Variants in ITPR1 observed in about 807,000 individuals in gnomAD.
The protein encoded by ITPR1 is inositol 1,4,5-trisphosphate-gated calcium channel ITPR1.
A neutral mutation model predicts 318.4 loss-of-function variants in ITPR1; 96 were observed. The observed-to-expected ratio is 0.30, with a 90% confidence interval of 0.26 to 0.36. The LOEUF (loss-of-function observed/expected upper bound fraction) is 0.36, where lower values mean the gene tolerates loss of function less well. Among genes scored for constraint, ITPR1 ranks in the 10% least tolerant of loss-of-function variants. The pLI, the probability that ITPR1 is intolerant of heterozygous loss-of-function variation, is 1.00. For synonymous variants in ITPR1, 1,312 were observed against 1,289.9 expected (o/e 1.02, Z -0.37); for missense variants, 2,440 against 3,460.2 (o/e 0.71, Z 7.40).
chr3:4,553,160 C>G (rs1481499871), intron 4 of ITPR1, among the ~76,000 whole-genome samples: 2 of 152,014 alleles, frequency 1.3e-5, no homozygotes, highest in Non-Finnish European at 2.9e-5. Flanking sequence ...GAGGTGATGT[C>G]ATGAGTAGAA....
In ITPR1 at chr3:4,768,635, T is replaced by C. The variant is rs551053471; in HGVS notation, c.5850T>C (p.Pro1950=). 6.2e-7 allele frequency: 1 copy of C among 1,613,840 alleles called. No individual in the cohort carries two copies. The highest frequency in any genetic ancestry group is 8.5e-7 in the Non-Finnish European group (1 of 1,179,892). ...CTGATCCCGACGACCACTACCAGCC[T>C]GGAGAGGGCACCCAGGCCACTGCCG... ...READPDDHYQ[P]GEGTQATADK... Residue 1950 remains proline, a synonymous_variant, in exon 46 of 62, where the codon CCT becomes CCC. Coordinates refer to ENST00000649015, the MANE Select transcript of ITPR1 (RefSeq NM_001378452.1).
At chr3:4,607,332 A>G (rs936613449) in intron 4 of ITPR1, among the ~76,000 whole-genome samples, 1 of 152,184 alleles carries the variant, frequency 6.6e-6, no homozygotes, top group Non-Finnish European at 1.5e-5. Context: ...CCTGCAGGTC[A>G]GTGTTTCTCA....
intron 2 of ITPR1, among the ~76,000 whole-genome samples, chr3:4,513,149 A>G (rs1456548553): frequency 6.6e-6 from 1 of 152,170 alleles, no homozygotes; most frequent in East Asian, 1.9e-4. Flanking sequence ...AGCTCTGAAC[A>G]ACAGGAAGTC....
At chr3:4,724,723 G>C (rs1272535825) in intron 40 of ITPR1, among the ~76,000 whole-genome samples, 1 of 152,164 alleles carries the variant, frequency 6.6e-6, no homozygotes, top group Non-Finnish European at 1.5e-5. Flanking sequence ...CTTTTCTCCA[G>C]GCACACCTTT....
chr3:4,550,208 C>G (rs1575498167), intron 4 of ITPR1, among the ~76,000 whole-genome samples: 2 of 152,188 alleles, frequency 1.3e-5, no homozygotes, highest in African/African-American at 4.8e-5. Flanking sequence ...CCCCAGATCT[C>G]TCTGAGCAGG....
chr3:4,689,081 A>G (rs1273541292), intron 31 of ITPR1, among the ~76,000 whole-genome samples: 1 of 152,220 alleles, frequency 6.6e-6, no homozygotes, highest in African/African-American at 2.4e-5. Context: ...TGTAAAGAAA[A>G]ATGATGCCAC....
At chr3:4,679,607 C>A (rs1375406322) in intron 24 of ITPR1, among the ~76,000 whole-genome samples, 1 of 152,228 alleles carries the variant, frequency 6.6e-6, no homozygotes, top group Non-Finnish European at 1.5e-5. Flanking sequence ...GAGAGCGGAT[C>A]TTCTTTACTC....
intron 4 of ITPR1, among the ~76,000 whole-genome samples, chr3:4,618,227 A>G (rs1016374895): frequency 9.2e-5 from 14 of 152,288 alleles, no homozygotes; most frequent in Admixed American, 8.5e-4. Context: ...TTTCACCACA[A>G]AAAAGTCAAA....
intron 4 of ITPR1, among the ~76,000 whole-genome samples, chr3:4,597,780 A>T (rs2090963380): frequency 6.6e-6 from 1 of 152,194 alleles, no homozygotes; most frequent in African/African-American, 2.4e-5. Flanking sequence ...CTATTTAGCC[A>T]TTGTTCATTG....
In ITPR1 at chr3:4,782,756, G is replaced by T; in HGVS notation, c.6510+15G>T. 1 of 1,467,256 alleles carries T rather than the reference G, an allele frequency of 6.8e-7. No individual in the cohort carries two copies. The highest frequency in any genetic ancestry group is 9.1e-7 in the Non-Finnish European group (1 of 1,103,286). 90.9% of individuals were successfully genotyped at this position (1,467,256 alleles called of 1,614,324 possible). ...TAGCCCATCAGGTATGATCTCTCCT[G>T]TGCCTCCTCTGGATGCTGCCTCCCT... On this transcript the variant is annotated intron_variant, in intron 50 of 61. Transcript: ENST00000649015.
chr3:4,823,147 T>C (rs1252123340), intron 60 of ITPR1, among the ~76,000 whole-genome samples: 1 of 152,238 alleles, frequency 6.6e-6, no homozygotes, highest in Non-Finnish European at 1.5e-5. Context: ...AGCTATTTAA[T>C]CTGAATAAGT....
At chr3:4,657,795 CG>C (rs1300715277) in intron 12 of ITPR1, among the ~76,000 whole-genome samples, 1 of 151,760 alleles carries the variant, frequency 6.6e-6, no homozygotes, top group Non-Finnish European at 1.5e-5. Flanking sequence ...TTAGTAGAGA[CG>C]GGGTTTCATT....
chr3:4,671,051 A>G lies in ITPR1; in HGVS notation c.2204+125A>G, dbSNP rs552176465. On this transcript the variant is annotated intron_variant, in intron 20 of 61. Transcript: ENST00000649015. ...AGTCATCTTGTAAGATTGTCTAGAA[A>G]AAAGCCAGATGTGTGTTTTAGGAGT... 32 of 693,704 alleles carry G rather than the reference A, an allele frequency of 4.6e-5. No individual in the cohort carries two copies. The South Asian group carries it at 9.2e-4, about 20-fold the overall frequency. 43.0% of individuals were successfully genotyped at this position (693,704 alleles called of 1,614,324 possible).
chr3:4,533,828 C>T (rs1038500785), intron 4 of ITPR1, among the ~76,000 whole-genome samples: 25 of 152,280 alleles, frequency 1.6e-4, no homozygotes, highest in African/African-American at 5.3e-4. Context: ...CAGTTACTGA[C>T]GGGTCGTTTG....
chr3:4,744,821 A>G (rs967117609), intron 44 of ITPR1, among the ~76,000 whole-genome samples: 3 of 152,126 alleles, frequency 2.0e-5, no homozygotes, highest in African/African-American at 7.2e-5. Flanking sequence ...TTGGCCACTT[A>G]CTCAGCTAAT....
intron 2 of ITPR1, among the ~76,000 whole-genome samples, chr3:4,515,380 G>A (rs1020324846): frequency 2.0e-5 from 3 of 152,102 alleles, no homozygotes; most frequent in African/African-American, 4.8e-5. Context: ...GCTTCTGGAA[G>A]GGGAAGTCGA....
chr3:4,834,731 G>A (rs545681983), intron 60 of ITPR1, among the ~76,000 whole-genome samples: 9 of 152,332 alleles, frequency 5.9e-5, no homozygotes, highest in African/African-American at 9.6e-5. Context: ...GCAGCTGCAC[G>A]GGAGAAAACT....
chr3:4,763,790 T>C (rs890746327), intron 44 of ITPR1, among the ~76,000 whole-genome samples: 1 of 152,236 alleles, frequency 6.6e-6, no homozygotes, highest in African/African-American at 2.4e-5. Context: ...ACCCTGACCC[T>C]AGCGGTTGAC....
intron 40 of ITPR1, among the ~76,000 whole-genome samples, chr3:4,717,945 C>G (rs2041890954): frequency 6.6e-6 from 1 of 152,166 alleles, no homozygotes; most frequent in Admixed American, 6.5e-5. Flanking sequence ...GGCTCACCGG[C>G]AAGGTTAGAA....
Sources: gnomAD v4.1 joint callset for allele counts (sites outside exome capture counted in the v4.1 genomes callset) on GRCh38, gnomAD v4.1.1 for gene constraint, MANE v1.5 for transcripts, NCBI Gene and HGNC (gene_info 2026-07-23, HGNC 2026-07-21) for gene names.